Variants in ATP6V0A4 observed in about 807,000 individuals in gnomAD.
ATP6V0A4 encodes V-type proton ATPase 116 kDa subunit a 4.
A neutral mutation model predicts 107.3 loss-of-function variants in ATP6V0A4; 86 were observed. The ratio of observed to expected loss-of-function variants is 0.80; its 90% CI spans 0.67 to 0.96. The LOEUF (loss-of-function observed/expected upper bound fraction) is 0.96. Among genes scored for constraint, ATP6V0A4 ranks in the 40% least tolerant of loss-of-function variants. ATP6V0A4 has a pLI of 0.00. For missense variants in ATP6V0A4, 908 were observed against 1,045.6 expected, an observed-to-expected ratio of 0.87 and a Z score of 1.81; for synonymous variants, 353 against 381.4, an observed-to-expected ratio of 0.93 and a Z score of 0.87.
Position 138,773,598 on chromosome 7 carries a change from G to A in ATP6V0A4, c.-17-2334C>T, listed in dbSNP as rs1807504692. On this transcript the variant is annotated intron_variant, in intron 2 of 21. Coordinates refer to ENST00000310018, the MANE Select transcript of ATP6V0A4 (RefSeq NM_020632.3). This position sits in a 1 kb window ranked among gnomAD's most constrained non-coding sequence, Gnocchi z 5.4. ...CTAGGTCAACAGCACCACAAAGTGG[G>A]TACTCCAGAAGCAATACCCCATGTA... Among the ~76,000 whole-genome samples, 1 of 152,130 alleles carries A rather than the reference G, an allele frequency of 6.6e-6. No homozygotes were observed. The highest frequency in any genetic ancestry group is 1.5e-5 in the Non-Finnish European group (1 of 68,028).
intron 9 of ATP6V0A4, 29 bp from the exon 10 acceptor site, chr7:138,755,811 G>C (rs774451184): frequency 8.1e-6 from 13 of 1,608,816 alleles, no homozygotes; most frequent in Non-Finnish European, 9.3e-6. Context: ...AAAGGAAACA[G>C]GTGAGTTCTT....
chr7:138,741,970 T>C (rs899836716), intron 14 of ATP6V0A4, among the ~76,000 whole-genome samples: 4 of 152,142 alleles, frequency 2.6e-5, no homozygotes, highest in Non-Finnish European at 5.9e-5. Context: ...GAGTCTTGAA[T>C]TGGGGAAGAA....
intron 1 of ATP6V0A4, among the ~76,000 whole-genome samples, chr7:138,789,832 G>A (rs1462775419): frequency 8.3e-4 from 25 of 30,160 alleles, no homozygotes; most frequent in African/African-American, 2.1e-3. Context: ...AGCTGGGCAT[G>A]GTGGTACATG....
chr7:138,781,293 G>T (rs368490212), intron 2 of ATP6V0A4, among the ~76,000 whole-genome samples: 5 of 151,894 alleles, frequency 3.3e-5, no homozygotes, highest in Non-Finnish European at 5.9e-5. Context: ...TTCCAGGAAA[G>T]CTTTTTTTGG....
intron 5 of ATP6V0A4, 80 bp from the exon 6 acceptor site, chr7:138,763,105 TA>T (rs893348990): frequency 3.2e-6 from 5 of 1,573,932 alleles, no homozygotes; most frequent in Non-Finnish European, 4.3e-6. Flanking sequence ...AACAGATGAC[TA>T]AAAAAAATCA....
At chr7:138,766,819 GT>G (rs1807116725) in intron 5 of ATP6V0A4, among the ~76,000 whole-genome samples, 1 of 152,174 alleles carries the variant, frequency 6.6e-6, no homozygotes, top group Admixed American at 6.5e-5. Flanking sequence ...AGCAGCACAT[GT>G]TACCTGTTTA....
At chr7:138,717,461 C>T (rs1804103014) in intron 19 of ATP6V0A4, among the ~76,000 whole-genome samples, 1 of 152,048 alleles carries the variant, frequency 6.6e-6, no homozygotes, top group African/African-American at 2.4e-5. Flanking sequence ...AGGAGAATCG[C>T]TTGAACCTGT....
chr7:138,721,747 C>A, intron 19 of ATP6V0A4, 150 bp downstream of exon 19: 1 of 828,620 alleles, frequency 1.2e-6, no homozygotes, highest in East Asian at 2.6e-5. Flanking sequence ...AGGTCCCCTT[C>A]CCTGAGACCT....
At chr7:138,729,411 T>C (rs1377210149) in intron 17 of ATP6V0A4, among the ~76,000 whole-genome samples, 1 of 152,216 alleles carries the variant, frequency 6.6e-6, no homozygotes, top group Non-Finnish European at 1.5e-5. Flanking sequence ...CATCGCTACC[T>C]GACTTTCATC....
Position 138,747,295 on chromosome 7 carries a change from A to AT in ATP6V0A4, c.1320+129dup, listed in dbSNP as rs796328407. 292 of 1,190,930 alleles carry AT rather than the reference A, an allele frequency of 2.5e-4. 3 individuals carry two copies. The African/African-American group carries it at 3.8e-3, about 15-fold the overall frequency. The allele number at this position is 1,190,930 out of a possible 1,614,324, so 73.8% of individuals were successfully genotyped here. The stretch of plus-strand genomic sequence containing the variant: ...ACCTTTGGCCAGAAGTTTTAGGTTA[A>AT]TTTGGCTCTTTTTTACTTTCCTTCT... On this transcript the variant is annotated intron_variant, in intron 13 of 21. Coordinates refer to ENST00000310018, the MANE Select transcript of ATP6V0A4 (RefSeq NM_020632.3).
At chr7:138,713,938 CA>C (rs34143397) in intron 20 of ATP6V0A4, among the ~76,000 whole-genome samples, 426 of 135,598 alleles carry the variant, frequency 3.1e-3, no homozygotes, top group East Asian at 7.1e-3. Flanking sequence ...CTGTCTCTAC[CA>C]AAAAAAAAAA....
intron 10 of ATP6V0A4, among the ~76,000 whole-genome samples, chr7:138,754,980 C>T (rs1299404510): frequency 6.6e-6 from 1 of 152,180 alleles, no homozygotes; most frequent in African/African-American, 2.4e-5. Flanking sequence ...GACTTAGTGG[C>T]ACTAGCCATG....
At chr7:138,784,752 C>T (rs993156481) in intron 2 of ATP6V0A4, among the ~76,000 whole-genome samples, 3 of 152,178 alleles carry the variant, frequency 2.0e-5, no homozygotes, top group Non-Finnish European at 2.9e-5. Context: ...TCCAAACAAA[C>T]ATTGCTTTTG....
In ATP6V0A4 at chr7:138,706,426, C is replaced by T; in HGVS notation, c.*198G>A. 1.6e-6 allele frequency: 1 copy of T among 625,868 alleles called. No homozygotes were observed. Among genetic ancestry groups the T allele is most frequent in the East Asian group, 2.9e-5 (1 of 34,790 alleles). 38.8% of individuals were successfully genotyped at this position (625,868 alleles called of 1,614,324 possible). On this transcript the variant is annotated 3_prime_UTR_variant, in exon 22 of 22. Coordinates refer to ENST00000310018, the MANE Select transcript of ATP6V0A4 (RefSeq NM_020632.3). ...TTAATACCCCACATGAAGACAATAT[C>T]ACTTGCCAAAGTCCTTCCTCTGACG...
intron 5 of ATP6V0A4, among the ~76,000 whole-genome samples, chr7:138,767,734 C>A (rs62486963): frequency 0.11 from 16,692 of 151,858 alleles, 1,164 homozygotes; most frequent in East Asian, 0.36. Context: ...TGTTCCACTG[C>A]CGAGGATAAA....
chr7:138,784,245 T>TATAC (rs1248649531), intron 2 of ATP6V0A4, among the ~76,000 whole-genome samples: 1 of 31,496 alleles, frequency 3.2e-5, no homozygotes, highest in African/African-American at 1.1e-4. Flanking sequence ...CGTATATATA[T>TATAC]ATATATACAT....
intron 18 of ATP6V0A4, 146 bp downstream of exon 18, chr7:138,728,615 G>A (rs916897093): frequency 1.2e-4 from 136 of 1,123,740 alleles, no homozygotes; most frequent in Non-Finnish European, 3.8e-5. Flanking sequence ...TCCACAGAAC[G>A]AAACATACTC....
chr7:138,759,050 C>G (rs370696359), intron 8 of ATP6V0A4, among the ~76,000 whole-genome samples: 3 of 91,926 alleles, frequency 3.3e-5, no homozygotes, highest in Non-Finnish European at 6.6e-5. Context: ...CATGCCCAGC[C>G]TATTTTTTTT....
At chr7:138,751,248 A>G (rs1184861336) in intron 11 of ATP6V0A4, among the ~76,000 whole-genome samples, 1 of 152,190 alleles carries the variant, frequency 6.6e-6, no homozygotes, top group Non-Finnish European at 1.5e-5. Flanking sequence ...CGTTCACTGC[A>G]GAGCCTGCCT....
Sources: allele counts gnomAD v4.1 joint callset (sites outside exome capture counted in the v4.1 genomes callset), GRCh38; gene constraint gnomAD v4.1.1; non-coding constraint Gnocchi (gnomAD v3.1); transcripts MANE v1.5; gene names NCBI Gene and HGNC (gene_info 2026-07-23, HGNC 2026-07-21).